The following RAB37 variants were observed in gnomAD, a reference collection of about 807,000 sequenced individuals.
RAB37 encodes the protein RAB37, member RAS oncogene family.
Under a neutral mutation model 33.1 loss-of-function variants are expected in RAB37, and 29 were observed. That is an observed-to-expected ratio of 0.88 (90% CI 0.65 to 1.20). The LOEUF (loss-of-function observed/expected upper bound fraction) is 1.20, where lower values mean the gene tolerates loss of function less well. Among genes scored for constraint, RAB37 ranks in the 50% most tolerant of loss-of-function variants. The pLI is 0.00. For synonymous variants in RAB37, 128 were observed against 119.5 expected, an observed-to-expected ratio of 1.07 and a Z score of -0.47; for missense variants, 299 against 301.1, an observed-to-expected ratio of 0.99 and a Z score of 0.05.
chr17:74,717,792 A>G (rs1324732000), intron 1 of RAB37, among the ~76,000 whole-genome samples: 1 of 146,600 alleles, frequency 6.8e-6, no homozygotes, highest in Non-Finnish European at 1.5e-5. Context: ...CTGGGCAGCA[A>G]GAGCGAAACT....
intron 1 of RAB37, among the ~76,000 whole-genome samples, chr17:74,701,958 G>A (rs550506477): frequency 2.0e-4 from 30 of 151,898 alleles, no homozygotes; most frequent in Admixed American, 3.3e-4. Flanking sequence ...AGAGGCAGAG[G>A]TTGCAGTGAG....
intron 1 of RAB37, among the ~76,000 whole-genome samples, chr17:74,700,512 A>G (rs2032951376): frequency 6.6e-6 from 1 of 152,148 alleles, no homozygotes; most frequent in Admixed American, 6.5e-5. Context: ...AGGCCGAGGC[A>G]GGCTGATCAC....
chr17:74,733,453 T>TGTG (rs1555593963), upstream of RAB37, among the ~76,000 whole-genome samples: 1 of 246 alleles, frequency 4.1e-3, no homozygotes, highest in Non-Finnish European at 9.3e-3. Context: ...ATGTGAGGTG[T>TGTG]GTGTGATTTG....
intron 1 of RAB37, chr17:74,695,171 C>A (rs2032308933): frequency 6.2e-7 from 1 of 1,614,014 alleles, no homozygotes; most frequent in African/African-American, 1.3e-5. Context: ...TGAGGTGGCC[C>A]ATGTTGCAGT....
intron 1 of RAB37, chr17:74,703,112 G>T: frequency 6.2e-7 from 1 of 1,613,898 alleles, no homozygotes; most frequent in East Asian, 2.2e-5. Context: ...TAAACGTAGT[G>T]GAGGTAGGCG....
rs752699028 is a variant in RAB37, at chr17:74,742,330, G to A, written c.246+35G>A. ...GAGGCTGGAGTTGGGGAGGGAGGAT[G>A]GAGGACCTGCCCTTCCTTCTCACCC... On this transcript the variant is annotated intron_variant, in intron 3 of 8. Coordinates refer to ENST00000392613, the MANE Select transcript of RAB37 (RefSeq NM_001006638.3). The surrounding 1 kb of genome is among the most constrained non-coding windows in gnomAD (Gnocchi z 4.0). The A allele has an allele frequency of 1.0e-5, 16 of 1,542,450 alleles. No individual in the cohort carries two copies. The highest frequency in any genetic ancestry group is 1.4e-5 in the Non-Finnish European group (16 of 1,118,270).
chr17:74,745,196 G>A lies in RAB37; in HGVS notation c.567-110G>A, dbSNP rs1201748879. On this transcript the variant is annotated intron_variant, in intron 8 of 8. Coordinates refer to ENST00000392613, the MANE Select transcript of RAB37 (RefSeq NM_001006638.3). This position sits in a 1 kb window ranked among gnomAD's most constrained non-coding sequence, Gnocchi z 4.5. ...TGGACACACCTGCATTCTGCAGGCT[G>A]AGGTCCATTTGCTCTGGGAGCACTG... is the stretch of plus-strand genomic sequence containing the variant. 7.8e-6 allele frequency: 12 copies of A among 1,534,348 alleles called. No individual in the cohort carries two copies. Among genetic ancestry groups the A allele is most frequent in the Non-Finnish European group, 9.9e-6 (11 of 1,109,656 alleles).
intron 1 of RAB37, among the ~76,000 whole-genome samples, chr17:74,711,655 A>G (rs1010700345): frequency 1.3e-5 from 2 of 152,068 alleles, no homozygotes; most frequent in African/African-American, 2.4e-5. Context: ...GAGCCCTCGT[A>G]TCTACTGTTC....
At chr17:74,731,883 G>A (rs778938055) in intron 2 of RAB37, among the ~76,000 whole-genome samples, 8 of 151,938 alleles carry the variant, frequency 5.3e-5, no homozygotes, top group African/African-American at 9.7e-5. Context: ...GGTGGCACAC[G>A]CCTGTAATCC....
chr17:74,695,902 G>A lies in RAB37; in HGVS notation c.72+24244G>A, dbSNP rs369355117. ...GGCTGGGGAGTCACAAGATCTGTCT[G>A]TGGACACAGGTTCCTTTTCCACGGT... On this transcript the variant is annotated intron_variant, in intron 1 of 7. Transcript: ENST00000340415. The A allele has an allele frequency of 2.5e-6, 4 of 1,590,636 alleles. No individual in the cohort carries two copies. In the African/African-American group the frequency reaches 4.0e-5, roughly 16 times the overall value.
chr17:74,692,213 T>C (rs2032171632), intron 1 of RAB37, among the ~76,000 whole-genome samples: 1 of 152,116 alleles, frequency 6.6e-6, no homozygotes, highest in Non-Finnish European at 1.5e-5. Context: ...AATTTGGCTC[T>C]GCTTTGAACT....
At chr17:74,691,027 T>G (rs1263491531) in intron 1 of RAB37, among the ~76,000 whole-genome samples, 1 of 152,148 alleles carries the variant, frequency 6.6e-6, no homozygotes, top group East Asian at 1.9e-4. Flanking sequence ...CAACTGATCC[T>G]CCTGCCTCAG....
At chr17:74,737,160 G>A (rs758974204), upstream of RAB37, 2 of 1,562,942 alleles carry the variant, frequency 1.3e-6, no homozygotes, top group Non-Finnish European at 1.7e-6. Flanking sequence ...ACGGAGGGAG[G>A]AGCCTGAGGG....
chr17:74,743,262 C>G, intron 4 of RAB37, 26 bp from the exon 5 acceptor site: 2 of 1,614,068 alleles, frequency 1.2e-6, no homozygotes, highest in Non-Finnish European at 1.7e-6. Context: ...CTGCCTAAGT[C>G]CCCTCTGTGA....
At chr17:74,688,427 C>A (rs2032096353) in intron 1 of RAB37, among the ~76,000 whole-genome samples, 1 of 151,876 alleles carries the variant, frequency 6.6e-6, no homozygotes, top group East Asian at 1.9e-4. Context: ...GTGGCAGGTG[C>A]CTGTAATCCC....
chr17:74,733,994 G>A (rs1298471568), upstream of RAB37, among the ~76,000 whole-genome samples: 1 of 152,184 alleles, frequency 6.6e-6, no homozygotes, highest in African/African-American at 2.4e-5. Flanking sequence ...CAGCAGGGAA[G>A]TGCTTCAGGC....
Position 74,744,163 on chromosome 17 carries a change from A to C in RAB37, c.367-145A>C. 2.8e-6 allele frequency: 2 copies of C among 723,350 alleles called. No homozygotes were observed. The highest frequency in any genetic ancestry group is 2.2e-6 in the Non-Finnish European group (1 of 448,740). The allele number at this position is 723,350 out of a possible 1,614,324, so 44.8% of individuals were successfully genotyped here. ...ACCAAGGAAGGCCATCCAGGCCTGG[A>C]TGGGCCAGAACAAAGGTACAGATGA... On this transcript the variant is annotated intron_variant, in intron 5 of 8. Transcript: ENST00000392613. This position sits in a 1 kb window ranked among gnomAD's most constrained non-coding sequence, Gnocchi z 4.2.
At chr17:74,721,768 G>A (rs1417200379) in intron 1 of RAB37, among the ~76,000 whole-genome samples, 1 of 152,088 alleles carries the variant, frequency 6.6e-6, no homozygotes, top group Non-Finnish European at 1.5e-5. Context: ...TAGAGTTGCT[G>A]AGTCAAAGGA....
chr17:74,711,754 G>C (rs963423638), intron 1 of RAB37, among the ~76,000 whole-genome samples: 1 of 152,038 alleles, frequency 6.6e-6, no homozygotes, highest in Admixed American at 6.6e-5. Context: ...TCTTCAGGGG[G>C]GTTGTTTCAG....
Sources: allele counts gnomAD v4.1 joint callset (sites outside exome capture counted in the v4.1 genomes callset), GRCh38; gene constraint gnomAD v4.1.1; non-coding constraint Gnocchi (gnomAD v3.1); transcripts MANE v1.5; gene names NCBI Gene and HGNC (gene_info 2026-07-23, HGNC 2026-07-21).